FOXRED1: variants seen among roughly 807,000 people sequenced by gnomAD.
The protein encoded by FOXRED1 is FAD-dependent oxidoreductase domain-containing protein 1.
In FOXRED1, 52 loss-of-function variants were observed where a neutral mutation model predicts 57.8. That is an observed-to-expected ratio of 0.90 (90% CI 0.72 to 1.13). FOXRED1 has a LOEUF of 1.13. FOXRED1 is among the 50% of genes most tolerant of loss of function. FOXRED1 has a pLI of 0.00. For missense variants in FOXRED1, 589 were observed against 625.2 expected, an observed-to-expected ratio of 0.94 and a Z score of 0.62; for synonymous variants, 271 against 248.3, an observed-to-expected ratio of 1.09 and a Z score of -0.86.
chr11:126,272,415 C>T lies in FOXRED1; in HGVS notation c.307-554C>T, dbSNP rs1334321176. Reference sequence around the variant, plus strand: ...TCAAGTGGTCCTCCCACCTTAGCCTCCAGAGTAGCTGGGACCACAGGCATG... The same window carrying T: ...TCAAGTGGTCCTCCCACCTTAGCCTTCAGAGTAGCTGGGACCACAGGCATG... On this transcript the variant is annotated intron_variant, in intron 2 of 10. Transcript: ENST00000263578. The surrounding 1 kb of genome is among the most constrained non-coding windows in gnomAD (Gnocchi z 4.6). 5.1e-6 allele frequency: 1 copy of T among 197,302 alleles called. No individual in the cohort carries two copies. Among genetic ancestry groups the T allele is most frequent in the Non-Finnish European group, 1.1e-5 (1 of 95,126 alleles). 12.2% of individuals were successfully genotyped at this position (197,302 alleles called of 1,614,324 possible).
In FOXRED1 at chr11:126,275,516, A is replaced by AG. The variant is rs1951105082; in HGVS notation, c.733+93dup. ...CACTCACAAGCTAAGCAAGGGCTGG[A>AG]GGGGGAAAGGGGTCTCCCTGAGAGC... On this transcript the variant is annotated intron_variant, in intron 6 of 10. Transcript: ENST00000263578. This position sits in a 1 kb window ranked among gnomAD's most constrained non-coding sequence, Gnocchi z 5.9. 2 of 962,488 alleles carry AG rather than the reference A, an allele frequency of 2.1e-6. No homozygotes were observed. Among genetic ancestry groups the AG allele is most frequent in the African/African-American group, 3.2e-5 (2 of 62,568 alleles). The allele number at this position is 962,488 out of a possible 1,614,324, so 59.6% of individuals were successfully genotyped here. A position where few individuals can be genotyped will look rare whatever the true frequency, so the allele number is the denominator to read the frequency against.
At position 126,277,776 on chromosome 11, in the gene FOXRED1, T is replaced by G; in HGVS notation, c.*87T>G. The stretch of plus-strand genomic sequence containing the variant: ...GCTGCTTCCATCTTCCCCAGTACTG[T>G]GCCAGGCCTTCTCCCCCTCCCCAGT... On this transcript the variant is annotated 3_prime_UTR_variant, in exon 11 of 11. Transcript: ENST00000263578. The surrounding 1 kb of genome is among the most constrained non-coding windows in gnomAD (Gnocchi z 6.8). 4.3e-6 allele frequency: 6 copies of G among 1,409,224 alleles called. No homozygotes were observed. Among genetic ancestry groups the G allele is most frequent in the Non-Finnish European group, 4.0e-6 (4 of 998,792 alleles). 87.3% of individuals were successfully genotyped at this position (1,409,224 alleles called of 1,614,324 possible).
In FOXRED1 at chr11:126,276,077, C is replaced by G; in HGVS notation, c.829C>G (p.Leu277Val). The G allele has an allele frequency of 1.2e-6, 2 of 1,612,868 alleles. No homozygotes were observed. Among genetic ancestry groups the G allele is most frequent in the Non-Finnish European group, 8.5e-7 (1 of 1,180,012 alleles). Residue 277 changes from leucine to valine, a missense_variant, in exon 8 of 11, where the codon CTG becomes GTG. Leu to Val is a conservative substitution (Grantham distance 32). Coordinates refer to ENST00000263578, the MANE Select transcript of FOXRED1 (RefSeq NM_017547.4). The part of the protein sequence containing the change: ...HEVHVKMDRS[L>V]EYQPVECAIV... ...TCTGCAGGTGAAGATGGACCGCAGC[C>G]TGGAGTACCAGCCTGTGGAATGCGC...
At position 126,275,955 on chromosome 11, in the gene FOXRED1, C is replaced by A; in HGVS notation, c.810+85C>A. On this transcript the variant is annotated intron_variant, in intron 7 of 10. Transcript: ENST00000263578. The surrounding 1 kb of genome is among the most constrained non-coding windows in gnomAD (Gnocchi z 5.9). Reference sequence around the variant, plus strand: ...CTCCTTGTTTTGGTTTTCTTTGACCCACTTTCCAGTATGGGTAAACTAAGG... The same window carrying A: ...CTCCTTGTTTTGGTTTTCTTTGACCAACTTTCCAGTATGGGTAAACTAAGG... The A allele has an allele frequency of 6.4e-7, 1 of 1,573,320 alleles. No individual in the cohort carries two copies. The highest frequency in any genetic ancestry group is 8.7e-7 in the Non-Finnish European group (1 of 1,143,524).
At position 126,274,308 on chromosome 11, in the gene FOXRED1, G is replaced by T; in HGVS notation, c.537-619G>T. ...TTGTACAAGGAGTGGAGAGGAGGTG[G>T]ATCCAGGCAGGAGTGGAGGGAACAA... On this transcript the variant is annotated intron_variant, in intron 4 of 10. Transcript: ENST00000263578. This position sits in a 1 kb window ranked among gnomAD's most constrained non-coding sequence, Gnocchi z 4.8. The T allele has an allele frequency of 5.9e-6, 1 of 168,976 alleles. No homozygotes were observed. Among genetic ancestry groups the T allele is most frequent in the Non-Finnish European group, 1.3e-5 (1 of 76,900 alleles). The allele number at this position is 168,976 out of a possible 1,614,324, so 10.5% of individuals were successfully genotyped here.
At position 126,277,867 on chromosome 11, in the gene FOXRED1, G is replaced by T; in HGVS notation, c.*178G>T. 1 of 727,848 alleles carries T rather than the reference G, an allele frequency of 1.4e-6. No homozygotes were observed. The highest frequency in any genetic ancestry group is 2.4e-6 in the Non-Finnish European group (1 of 408,520). The allele number at this position is 727,848 out of a possible 1,614,324, so 45.1% of individuals were successfully genotyped here. On this transcript the variant is annotated 3_prime_UTR_variant, in exon 11 of 11. Coordinates refer to ENST00000263578, the MANE Select transcript of FOXRED1 (RefSeq NM_017547.4). This position sits in a 1 kb window ranked among gnomAD's most constrained non-coding sequence, Gnocchi z 6.8. ...GGCAGGCACAGGCAGTGAGGCCGAGGCCAATAGCGAGTGATGAGCGGGATC... is the reference window on the plus strand; with the variant it reads ...GGCAGGCACAGGCAGTGAGGCCGAGTCCAATAGCGAGTGATGAGCGGGATC...
rs1014703353 is a variant in FOXRED1, at chr11:126,271,049, G to T, written c.86-388G>T. 1 of 324,836 alleles carries T rather than the reference G, an allele frequency of 3.1e-6. No individual in the cohort carries two copies. The highest frequency in any genetic ancestry group is 2.2e-5 in the African/African-American group (1 of 46,300). The allele number at this position is 324,836 out of a possible 1,614,324, so 20.1% of individuals were successfully genotyped here. On this transcript the variant is annotated intron_variant, in intron 1 of 10. Transcript: ENST00000263578. This position sits in a 1 kb window ranked among gnomAD's most constrained non-coding sequence, Gnocchi z 5.3. ...AGGATAAGCATGGCACCGCTTAGCG[G>T]TGACATGCTTCAGAGGGTGCCGTGA...
In FOXRED1 at chr11:126,271,576, C is replaced by T; in HGVS notation, c.225C>T (p.Gly75=). The T allele has an allele frequency of 6.2e-7, 1 of 1,614,190 alleles. No individual in the cohort carries two copies. Among genetic ancestry groups the T allele is most frequent in the African/African-American group, 1.3e-5 (1 of 75,038 alleles). ...DVVIVGGGVL[G]LSVAYWLKKL... is the part of the protein sequence containing the mutation. ...TGATCGTGGGAGGTGGGGTGCTTGGCTTGTCTGTGGCCTATTGGCTGAAGA... is the reference window on the plus strand; with the variant it reads ...TGATCGTGGGAGGTGGGGTGCTTGGTTTGTCTGTGGCCTATTGGCTGAAGA... Residue 75 remains glycine (G), a synonymous_variant, in exon 2 of 11, where the codon GGC becomes GGT. Transcript: ENST00000263578. This position sits in a 1 kb window ranked among gnomAD's most constrained non-coding sequence, Gnocchi z 5.3.
rs1951040609 is a variant in FOXRED1, at chr11:126,273,240, G to A, written c.418-96G>A. The A allele has an allele frequency of 1.9e-6, 2 of 1,051,978 alleles. No homozygotes were observed. The highest frequency in any genetic ancestry group is 1.7e-5 in the Admixed American group (1 of 59,360). The allele number at this position is 1,051,978 out of a possible 1,614,324, so 65.2% of individuals were successfully genotyped here. On this transcript the variant is annotated intron_variant, in intron 3 of 10. Transcript: ENST00000263578. The surrounding 1 kb of genome is among the most constrained non-coding windows in gnomAD (Gnocchi z 5.9). The stretch of plus-strand genomic sequence containing the variant: ...CCTAGTGGTGGTGCCGCAGGTCTGG[G>A]GCACTGAGCCTGGGGAGCTGTGGGG...
chr11:126,269,758 G>A (rs1215363486), intron 1 of FOXRED1, among the ~76,000 whole-genome samples: 5 of 151,980 alleles, frequency 3.3e-5, no homozygotes, highest in African/African-American at 1.2e-4. Context: ...AGGTCGAGGC[G>A]GGTGGATCAC....
At position 126,275,649 on chromosome 11, in the gene FOXRED1, T is replaced by C. The variant is rs1204559324; in HGVS notation, c.734-145T>C. ...TCCTGTCAGAGTGTGGCCAAGCTCA[T>C]GCCAGCTCCCTCATCTCTGTTTGCT... On this transcript the variant is annotated intron_variant, in intron 6 of 10. Transcript: ENST00000263578. The surrounding 1 kb of genome is among the most constrained non-coding windows in gnomAD (Gnocchi z 5.9). The C allele has an allele frequency of 2.7e-6, 2 of 734,136 alleles. No individual in the cohort carries two copies. The highest frequency in any genetic ancestry group is 4.0e-5 in the Admixed American group (2 of 49,746). 45.5% of individuals were successfully genotyped at this position (734,136 alleles called of 1,614,324 possible).
intron 9 of FOXRED1, among the ~76,000 whole-genome samples, 159 bp downstream of exon 9, chr11:126,276,682 C>G (rs190241061): frequency 5.7e-4 from 87 of 151,896 alleles, no homozygotes; most frequent in Admixed American, 1.1e-3. Flanking sequence ...TTGAGACCAG[C>G]CTGACCAACA....
rs2298453 is a variant in FOXRED1 at position 126,273,202 on chromosome 11, C to G, written c.417+123C>G. 1.2e-3 allele frequency: 1,128 copies of G among 943,286 alleles called. 14 individuals carry two copies. In the East Asian group the frequency reaches 0.022, roughly 19 times the overall value. The allele number at this position is 943,286 out of a possible 1,614,324, so 58.4% of individuals were successfully genotyped here. On this transcript the variant is annotated intron_variant, in intron 3 of 10. Coordinates refer to ENST00000263578, the MANE Select transcript of FOXRED1 (RefSeq NM_017547.4). The surrounding 1 kb of genome is among the most constrained non-coding windows in gnomAD (Gnocchi z 5.9). ...GGGTCAGCCAACTAGGAGAGGGGGG[C>G]CCTGGCCTTCTTCCTAGTGGTGGTG...
In FOXRED1 at chr11:126,271,605, T is replaced by G. The variant is rs761614470; in HGVS notation, c.254T>G (p.Leu85Arg). 2 of 1,614,108 alleles carry G rather than the reference T, an allele frequency of 1.2e-6. No individual in the cohort carries two copies. The highest frequency in any genetic ancestry group is 1.7e-6 in the Non-Finnish European group (2 of 1,180,016). The part of the protein sequence containing the change: ...GLSVAYWLKK[L>R]ESRRGAIRVL... ...TCTGTGGCCTATTGGCTGAAGAAGC[T>G]GGAGAGCAGACGAGGTGCTATTCGA... The change falls in exon 2 of 11, where the codon CTG becomes CGG. Residue 85 changes from leucine (L) to arginine (R), a missense_variant. Leu to Arg is a moderately radical substitution (Grantham distance 102, BLOSUM62 -2). Coordinates refer to ENST00000263578, the MANE Select transcript of FOXRED1 (RefSeq NM_017547.4). The surrounding 1 kb of genome is among the most constrained non-coding windows in gnomAD (Gnocchi z 5.3).
In FOXRED1 at chr11:126,273,377, G is replaced by T. The variant is rs1951045346; in HGVS notation, c.459G>T (p.Arg153=). The T allele has an allele frequency of 6.2e-7, 1 of 1,613,914 alleles. No individual in the cohort carries two copies. The highest frequency in any genetic ancestry group is 1.1e-5 in the South Asian group (1 of 91,094). ...AVVDAPPLDL[R]FNPSGYLLLA... is the part of the protein sequence containing the mutation. ...TCGATGCTCCTCCCCTGGACCTCCG[G>T]TTCAACCCCTCGGGCTACCTCTTGC... The change falls in exon 4 of 11, where the codon CGG becomes CGT. Residue 153 remains arginine, a synonymous_variant. Coordinates refer to ENST00000263578, the MANE Select transcript of FOXRED1 (RefSeq NM_017547.4). The surrounding 1 kb of genome is among the most constrained non-coding windows in gnomAD (Gnocchi z 5.9).
At position 126,277,241 on chromosome 11, in the gene FOXRED1, C is replaced by A; in HGVS notation, c.1206+66C>A. 1 of 1,229,672 alleles carries A rather than the reference C, an allele frequency of 8.1e-7. No individual in the cohort carries two copies. Among genetic ancestry groups the A allele is most frequent in the Non-Finnish European group, 1.2e-6 (1 of 831,562 alleles). The allele number at this position is 1,229,672 out of a possible 1,614,324, so 76.2% of individuals were successfully genotyped here. A position where few individuals can be genotyped will look rare whatever the true frequency, so the allele number is the denominator to read the frequency against. On this transcript the variant is annotated intron_variant, in intron 10 of 10. Coordinates refer to ENST00000263578, the MANE Select transcript of FOXRED1 (RefSeq NM_017547.4). This position sits in a 1 kb window ranked among gnomAD's most constrained non-coding sequence, Gnocchi z 6.8. ...TTGGATGGGACAGATGACAGTGGAG[C>A]ACATTGGTCCCCTCGGACCCGTGAC...
At chr11:126,276,917 G>A (rs1411350526) in intron 9 of FOXRED1, 154 bp from the exon 10 acceptor site, 3 of 680,102 alleles carry the variant, frequency 4.4e-6, no homozygotes, top group East Asian at 2.7e-5. Context: ...TTTTTGGGGG[G>A]CTGTGTGCTG....
At position 126,275,881 on chromosome 11, in the gene FOXRED1, A is replaced by T; in HGVS notation, c.810+11A>T. The T allele has an allele frequency of 6.3e-7, 1 of 1,598,222 alleles. No homozygotes were observed. Among genetic ancestry groups the T allele is most frequent in the Non-Finnish European group, 8.6e-7 (1 of 1,165,646 alleles). On this transcript the variant is annotated intron_variant, in intron 7 of 10. Coordinates refer to ENST00000263578, the MANE Select transcript of FOXRED1 (RefSeq NM_017547.4). This position sits in a 1 kb window ranked among gnomAD's most constrained non-coding sequence, Gnocchi z 5.9. The stretch of plus-strand genomic sequence containing the variant: ...ATCCATGAAGTCCATGTAAGTTTCT[A>T]GTCTGTGATGTCCTTTACCAAAATG...
Position 126,275,630 on chromosome 11 carries a change from CAG to C in FOXRED1, c.734-161_734-160del. 1.4e-6 allele frequency: 1 copy of C among 720,650 alleles called. No homozygotes were observed. Among genetic ancestry groups the C allele is most frequent in the Admixed American group, 2.0e-5 (1 of 49,526 alleles). The allele number at this position is 720,650 out of a possible 1,614,324, so 44.6% of individuals were successfully genotyped here. ...TGATTGCACCTGAGCACTGTCCTGTCAGAGTGTGGCCAAGCTCATGCCAGCTC... is the reference window on the plus strand; with the variant it reads ...TGATTGCACCTGAGCACTGTCCTGTCAGTGTGGCCAAGCTCATGCCAGCTC... On this transcript the variant is annotated intron_variant, in intron 6 of 10. Transcript: ENST00000263578. This position sits in a 1 kb window ranked among gnomAD's most constrained non-coding sequence, Gnocchi z 5.9.
Sources: gnomAD v4.1 joint callset for allele counts (sites outside exome capture counted in the v4.1 genomes callset) on GRCh38, gnomAD v4.1.1 for gene constraint, Gnocchi (gnomAD v3.1) non-coding constraint, MANE v1.5 for transcripts, NCBI Gene and HGNC (gene_info 2026-07-23, HGNC 2026-07-21) for gene names.